Variants in PAX6 observed in about 807,000 individuals in gnomAD.
PAX6 encodes paired box protein Pax-6.
In PAX6, 7 loss-of-function variants were observed where a neutral mutation model predicts 60.7. That is an observed-to-expected ratio of 0.12 (90% CI 0.07 to 0.22). PAX6 has a LOEUF of 0.22. Among genes scored for constraint, PAX6 ranks in the 10% least tolerant of loss-of-function variants. The probability of loss-of-function intolerance (pLI) is 1.00; values close to 1 mark genes in which losing one functional copy is unlikely to be tolerated. For synonymous variants in PAX6, 208 were observed against 201.2 expected (o/e 1.03, Z -0.29); for missense variants, 355 against 555.2 (o/e 0.64, Z 3.62).
At chr11:31,817,851 G>T (rs1290343605) in exon 1 of PAX6, 1 of 152,670 alleles carries the variant, frequency 6.6e-6, no homozygotes, top group African/African-American at 2.4e-5. Flanking sequence ...TGGCAGCGCC[G>T]GTTCCCACAC....
intron 2 of PAX6, among the ~76,000 whole-genome samples, chr11:31,809,567 C>T (rs1220920460): frequency 2.6e-5 from 4 of 152,186 alleles, no homozygotes; most frequent in African/African-American, 9.6e-5. Context: ...ATTACACTTG[C>T]TAAAATTCAG....
intron 8 of PAX6, 144 bp from the exon 9 acceptor site, chr11:31,794,932 T>G: frequency 1.3e-6 from 1 of 755,210 alleles, no homozygotes; most frequent in Non-Finnish European, 2.2e-6. Context: ...CAGCCTTCTT[T>G]TAAAAAAATA....
Position 31,806,303 on chromosome 11 carries a change from G to T in PAX6, c.10+99C>A, listed in dbSNP as rs895650886. On this transcript the variant is annotated intron_variant, in intron 4 of 13. Coordinates refer to ENST00000640368, the MANE Select transcript of PAX6 (RefSeq NM_001368894.2). Reference sequence around the variant, plus strand: ...GTCCCCGGGCCTCAGTCGGTCGGCGGCCGGGCCAGCGCGGGCGTCGCGAGT... The same window carrying T: ...GTCCCCGGGCCTCAGTCGGTCGGCGTCCGGGCCAGCGCGGGCGTCGCGAGT... The T allele has an allele frequency of 1.0e-4, 142 of 1,427,132 alleles. 1 individual carries two copies. Among genetic ancestry groups the T allele is most frequent in the African/African-American group, 2.9e-5 (2 of 68,888 alleles). 88.4% of individuals were successfully genotyped at this position (1,427,132 alleles called of 1,614,324 possible). A position where few individuals can be genotyped will look rare whatever the true frequency, so the allele number is the denominator to read the frequency against.
intron 12 of PAX6, 160 bp from the exon 13 acceptor site, chr11:31,791,020 T>G: frequency 4.5e-5 from 37 of 817,532 alleles, no homozygotes; most frequent in Non-Finnish European, 6.9e-5. Context: ...AGATTGGGCC[T>G]CGAGCTAGTC....
At chr11:31,813,577 C>T (rs1296300288), upstream of PAX6, among the ~76,000 whole-genome samples, 2 of 152,140 alleles carry the variant, frequency 1.3e-5, no homozygotes, top group East Asian at 3.9e-4. Context: ...CCTCCAACCC[C>T]CATCTCGCTG....
chr11:31,793,807 A>T lies in PAX6; in HGVS notation c.808-5T>A. On this transcript the variant is annotated splice_region_variant and splice_polypyrimidine_tract_variant and intron_variant, in intron 10 of 13. Transcript: ENST00000640368. ...CCTTCGATTAGAAAACCATACCTGG[A>T]AATCAGGTGGGACAGGTTAGCACTG... is the stretch of plus-strand genomic sequence containing the variant. The T allele has an allele frequency of 1.2e-6, 2 of 1,614,154 alleles. No homozygotes were observed. The highest frequency in any genetic ancestry group is 1.7e-6 in the Non-Finnish European group (2 of 1,180,024).
Position 31,801,589 on chromosome 11 carries a change from C to T in PAX6, c.371G>A (p.Gly124Glu). Reference sequence around the variant, plus strand: ...TGGTATGTTATCGTTGGTACAGACCCCCTCGGACAGTAATCTGTCTCGGAT... The same window carrying T: ...TGGTATGTTATCGTTGGTACAGACCTCCTCGGACAGTAATCTGTCTCGGAT... ...WEIRDRLLSE[G>E]VCTNDNIPSV... Residue 124 changes from glycine to glutamate, a missense_variant, in exon 7 of 14, where the codon GGG becomes GAG. Physicochemically the swap from Gly to Glu is moderately conservative, Grantham distance 98. Transcript: ENST00000640368. 1 of 1,614,052 alleles carries T rather than the reference C, an allele frequency of 6.2e-7. No individual in the cohort carries two copies. Among genetic ancestry groups the T allele is most frequent in the Non-Finnish European group, 8.5e-7 (1 of 1,180,018 alleles).
upstream of PAX6, chr11:31,814,725 C>G (rs1286658742): frequency 6.6e-6 from 1 of 152,452 alleles, no homozygotes; most frequent in African/African-American, 2.4e-5. Context: ...CCTGGTGCCT[C>G]CCCCACTTCC....
chr11:31,799,714 T>G (rs966205442), intron 8 of PAX6, among the ~76,000 whole-genome samples: 2 of 152,056 alleles, frequency 1.3e-5, no homozygotes, highest in African/African-American at 2.4e-5. Flanking sequence ...GTCCGAGAGC[T>G]CACGGATGCG....
At chr11:31,813,389 CG>C (rs71463328), upstream of PAX6, among the ~76,000 whole-genome samples, 4,057 of 44,056 alleles carry the variant, frequency 0.092, 315 homozygotes, top group African/African-American at 0.28. Context: ...TGCGGGGGGG[CG>C]GGGGGGGGGG....
upstream of PAX6, chr11:31,814,313 TGAG>T (rs1195702043): frequency 1.3e-5 from 2 of 152,142 alleles, no homozygotes; most frequent in Non-Finnish European, 2.9e-5. Flanking sequence ...TGCGTCAACA[TGAG>T]GTGAGGCAAG....
chr11:31,796,013 A>G (rs1256829260), intron 8 of PAX6, among the ~76,000 whole-genome samples: 1 of 152,258 alleles, frequency 6.6e-6, no homozygotes, highest in Non-Finnish European at 1.5e-5. Flanking sequence ...AGGAGACAAT[A>G]GGCTGCGCCT....
At chr11:31,790,238 C>G in intron 13 of PAX6, 1 of 537,220 alleles carries the variant, frequency 1.9e-6, no homozygotes, top group South Asian at 2.9e-5. Flanking sequence ...CCAAGTACCC[C>G]CCACCCCAAT....
chr11:31,798,667 G>C (rs983273544), intron 8 of PAX6, among the ~76,000 whole-genome samples: 1 of 152,174 alleles, frequency 6.6e-6, no homozygotes, highest in African/African-American at 2.4e-5. Flanking sequence ...CTTGCGGGTG[G>C]GGGGGTGGTG....
intron 5 of PAX6, 114 bp from the exon 6 acceptor site, chr11:31,802,026 A>G: frequency 4.5e-6 from 4 of 884,308 alleles, no homozygotes; most frequent in Admixed American, 5.2e-5. Flanking sequence ...CTTTCAAACA[A>G]TTTGAACTAA....
chr11:31,811,531 C>G (rs1434043651), upstream of PAX6: 1 of 266,524 alleles, frequency 3.8e-6, no homozygotes, highest in Non-Finnish European at 7.1e-6. Flanking sequence ...CGCTCGCCTG[C>G]ATCTCCCCGC....
At chr11:31,792,183 C>CT (rs1210819500) in intron 12 of PAX6, 1 of 104 alleles carries the variant, frequency 9.6e-3, no homozygotes, top group African/African-American at 0.031. Flanking sequence ...GCCTTGAGGG[C>CT]CTGCCAGAAT....
intron 7 of PAX6, chr11:31,801,359 T>A: frequency 6.8e-7 from 1 of 1,472,938 alleles, no homozygotes; most frequent in African/African-American, 1.4e-5. Context: ...AGTGAATGAC[T>A]CCCCACACTT....
At chr11:31,801,480 G>GGA in intron 7 of PAX6, 81 bp downstream of exon 7, 1 of 1,607,652 alleles carries the variant, frequency 6.2e-7, no homozygotes. Flanking sequence ...AAGAGACAGT[G>GGA]GAGAGAGAGG....
Sources: allele counts gnomAD v4.1 joint callset (sites outside exome capture counted in the v4.1 genomes callset), GRCh38; gene constraint gnomAD v4.1.1; transcripts MANE v1.5; gene names NCBI Gene and HGNC (gene_info 2026-07-23, HGNC 2026-07-21).